SPON1: variants seen among roughly 807,000 people sequenced by gnomAD.
SPON1 encodes spondin 1.
In SPON1, 52 loss-of-function variants were observed where a neutral mutation model predicts 111.7. That is an observed-to-expected ratio of 0.47 (90% CI 0.37 to 0.59). SPON1 has a LOEUF of 0.59. SPON1 is among the 20% of genes least tolerant of loss of function. The pLI, the probability that SPON1 is intolerant of heterozygous loss-of-function variation, is 0.00. For missense variants in SPON1, 957 were observed against 1,068.5 expected (o/e 0.90, Z 1.46); for synonymous variants, 410 against 395.8 (o/e 1.04, Z -0.43).
At chr11:14,181,193 T>A (rs1564925469) in intron 6 of SPON1, among the ~76,000 whole-genome samples, 1 of 152,178 alleles carries the variant, frequency 6.6e-6, no homozygotes, top group African/African-American at 2.4e-5. Context: ...CCTTACACAA[T>A]TAAATATAAA....
At position 14,255,791 on chromosome 11, in the gene SPON1, C is replaced by T; in HGVS notation, c.1233+4C>T. The T allele has an allele frequency of 2.5e-6, 4 of 1,613,672 alleles. No homozygotes were observed. The highest frequency in any genetic ancestry group is 3.4e-6 in the Non-Finnish European group (4 of 1,179,772). On this transcript the variant is annotated splice_donor_region_variant and intron_variant, in intron 9 of 15. Transcript: ENST00000576479. ...CATCGAGAGAATCGCACGGAAGGTA[C>T]TGGGTTAGAACCCACTCTGGCATCG...
chr11:14,138,254 T>C (rs1847615826), intron 6 of SPON1, among the ~76,000 whole-genome samples: 1 of 152,294 alleles, frequency 6.6e-6, no homozygotes, highest in South Asian at 2.1e-4. Context: ...TTCAAGGGCA[T>C]GAAGAATCAC....
intron 7 of SPON1, among the ~76,000 whole-genome samples, chr11:14,244,392 T>A (rs1003148352): frequency 6.6e-6 from 1 of 151,830 alleles, no homozygotes; most frequent in Non-Finnish European, 1.5e-5. Flanking sequence ...GTGGCACGTG[T>A]CTGTAATCCC....
At chr11:14,090,757 C>T (rs1380744029) in intron 5 of SPON1, among the ~76,000 whole-genome samples, 2 of 149,216 alleles carry the variant, frequency 1.3e-5, no homozygotes, top group Non-Finnish European at 2.9e-5. Context: ...AACAAAGCTT[C>T]CACAGTGTGG....
At chr11:14,241,694 T>G (rs1848928542) in intron 6 of SPON1, among the ~76,000 whole-genome samples, 1 of 151,964 alleles carries the variant, frequency 6.6e-6, no homozygotes, top group South Asian at 2.1e-4. Flanking sequence ...GAGCTGGCAC[T>G]CAGGAGACAG....
Position 14,257,762 on chromosome 11 carries a change from C to G in SPON1, c.1356C>G (p.Ser452=). 1 of 1,613,280 alleles carries G rather than the reference C, an allele frequency of 6.2e-7. No homozygotes were observed. The highest frequency in any genetic ancestry group is 8.5e-7 in the Non-Finnish European group (1 of 1,179,674). ...TCIYSNWSPW[S]ACSSSTCDKG... is the part of the protein sequence containing the mutation. The stretch of plus-strand genomic sequence containing the variant: ...TCTACTCCAACTGGTCCCCATGGTC[C>G]GCCTGCAGCTCCTCCACCTGTGACA... Residue 452 remains serine (S), a synonymous_variant, in exon 11 of 16, where the codon TCC becomes TCG. Transcript: ENST00000576479.
intron 3 of SPON1, among the ~76,000 whole-genome samples, chr11:14,067,774 C>G (rs1009783737): frequency 3.9e-5 from 6 of 152,222 alleles, no homozygotes; most frequent in African/African-American, 1.4e-4. Context: ...ACTATCATGA[C>G]TGGCATGTCT....
intron 2 of SPON1, among the ~76,000 whole-genome samples, chr11:14,011,969 C>T (rs1177007441): frequency 2.0e-5 from 3 of 152,104 alleles, no homozygotes; most frequent in African/African-American, 7.2e-5. Flanking sequence ...TAATAGTAGC[C>T]TCCTCAAAGG....
intron 5 of SPON1, among the ~76,000 whole-genome samples, chr11:14,092,927 T>A (rs1302875450): frequency 6.6e-6 from 1 of 152,178 alleles, no homozygotes; most frequent in Non-Finnish European, 1.5e-5. Flanking sequence ...CTCTGTAGGC[T>A]ATTAGGAGGC....
intron 6 of SPON1, among the ~76,000 whole-genome samples, chr11:14,178,347 A>G (rs1848202051): frequency 6.6e-6 from 1 of 151,402 alleles, no homozygotes; most frequent in Non-Finnish European, 1.5e-5. Context: ...GCGTGAACAC[A>G]GGAGGCAGAG....
intron 5 of SPON1, among the ~76,000 whole-genome samples, chr11:14,107,500 TG>T (rs1849193959): frequency 1.3e-5 from 2 of 151,660 alleles, no homozygotes; most frequent in South Asian, 2.1e-4. Flanking sequence ...AAACATTTCT[TG>T]CATTCAGACC....
rs1849270022 is a variant in SPON1, at chr11:14,266,420, G to A, written c.*733G>A. 6.6e-6 allele frequency: 1 copy of A among 152,102 alleles called. No homozygotes were observed. The highest frequency in any genetic ancestry group is 2.4e-5 in the African/African-American group (1 of 41,474). 9.4% of individuals were successfully genotyped at this position (152,102 alleles called of 1,614,324 possible). On this transcript the variant is annotated 3_prime_UTR_variant, in exon 16 of 16. Coordinates refer to ENST00000576479, the MANE Select transcript of SPON1 (RefSeq NM_006108.4). ...TAAGCTTAGAGTGTATTTTTCCCTT[G>A]CTTTTGGGGGTTCAGAGGAGTATGT...
At chr11:14,089,952 G>T (rs1287703214) in intron 5 of SPON1, among the ~76,000 whole-genome samples, 8 of 152,112 alleles carry the variant, frequency 5.3e-5, no homozygotes, top group African/African-American at 1.7e-4. Flanking sequence ...CACTGTCGGG[G>T]AAAACTGCTT....
chr11:14,196,793 T>TAATC (rs1190693187), intron 6 of SPON1, among the ~76,000 whole-genome samples: 17 of 152,358 alleles, frequency 1.1e-4, no homozygotes, highest in African/African-American at 4.1e-4. Context: ...CTCATGCCTG[T>TAATC]AATCCCAGCC....
intron 6 of SPON1, among the ~76,000 whole-genome samples, chr11:14,194,096 C>T (rs762590005): frequency 3.9e-5 from 6 of 152,190 alleles, no homozygotes; most frequent in Non-Finnish European, 8.8e-5. Context: ...TCATCCTGTG[C>T]CCAGCACAGG....
chr11:14,129,664 A>G (rs1847504039), intron 5 of SPON1, among the ~76,000 whole-genome samples: 1 of 152,142 alleles, frequency 6.6e-6, no homozygotes, highest in Non-Finnish European at 1.5e-5. Flanking sequence ...CCACATTTTC[A>G]GGTATCTTTA....
At chr11:13,988,026 G>C (rs1554910648) in intron 2 of SPON1, among the ~76,000 whole-genome samples, 1 of 152,208 alleles carries the variant, frequency 6.6e-6, no homozygotes, top group South Asian at 2.1e-4. Flanking sequence ...GATTGTCTTG[G>C]CTATTGCGGG....
rs1270725778 is a variant in SPON1 at position 14,205,748 on chromosome 11, G to A, written c.826-37584G>A. The stretch of plus-strand genomic sequence containing the variant: ...TTCCTGTTGTCTGTGGAGTTCAGAG[G>A]TTTCTAGGACACCTCCAATGCTAAG... On this transcript the variant is annotated intron_variant, in intron 6 of 15. Transcript: ENST00000576479. Among the ~76,000 whole-genome samples, 7 of 152,236 alleles carry A rather than the reference G, an allele frequency of 4.6e-5. No individual in the cohort carries two copies. In the East Asian group the frequency reaches 1.4e-3, roughly 29 times the overall value.
chr11:14,006,585 G>A (rs1276086413), intron 2 of SPON1, among the ~76,000 whole-genome samples: 2 of 152,126 alleles, frequency 1.3e-5, no homozygotes, highest in Admixed American at 1.3e-4. Context: ...GTCGCACGTG[G>A]TGGACCGGTG....
Sources: allele counts gnomAD v4.1 joint callset (sites outside exome capture counted in the v4.1 genomes callset), GRCh38; gene constraint gnomAD v4.1.1; transcripts MANE v1.5; gene names NCBI Gene and HGNC (gene_info 2026-07-23, HGNC 2026-07-21).